SLC9A6: variants seen among roughly 807,000 people sequenced by gnomAD.
SLC9A6 encodes the protein solute carrier family 9 member A6.
In SLC9A6, 6 loss-of-function variants were observed where a neutral mutation model predicts 45.3. That is an observed-to-expected ratio of 0.13 (90% CI 0.07 to 0.26). SLC9A6 has a LOEUF of 0.26. SLC9A6 is among the 10% of genes least tolerant of loss of function. The pLI, the probability that SLC9A6 is intolerant of heterozygous loss-of-function variation, is 1.00. For synonymous variants in SLC9A6, 191 were observed against 187.7 expected (o/e 1.02, Z -0.14); for missense variants, 278 against 503.7 (o/e 0.55, Z 4.29).
intron 14 of SLC9A6, chrX:136,029,757 A>C: frequency 4.4e-6 from 1 of 227,876 alleles, no homozygotes; most frequent in Non-Finnish European, 7.9e-6. Context: ...CTGCGAAGTG[A>C]ATTGCACTGT....
At chrX:136,002,953 C>T (rs1556617551) in intron 7 of SLC9A6, among the ~76,000 whole-genome samples, 2 of 110,933 alleles carry the variant, frequency 1.8e-5, no homozygotes, top group African/African-American at 6.6e-5. Context: ...TACATCTGTC[C>T]TCATCCACCT....
At chrX:136,003,518 A>C (rs971526820) in intron 7 of SLC9A6, among the ~76,000 whole-genome samples, 1 of 112,086 alleles carries the variant, frequency 8.9e-6, no homozygotes, top group African/African-American at 3.2e-5. Flanking sequence ...TCAGTCTCCT[A>C]TAGCAGGACA....
intron 11 of SLC9A6, among the ~76,000 whole-genome samples, chrX:136,017,797 C>T (rs1027406322): frequency 3.6e-5 from 4 of 111,639 alleles, no homozygotes; most frequent in Non-Finnish European, 7.5e-5. Context: ...GGTCAGGAAT[C>T]CTGGAGCAGC....
At chrX:136,004,696 A>G (rs1047127495) in intron 7 of SLC9A6, among the ~76,000 whole-genome samples, 2 of 111,702 alleles carry the variant, frequency 1.8e-5, no homozygotes, top group African/African-American at 6.5e-5. Flanking sequence ...ATGTATGTAA[A>G]TATTACCCCC....
chrX:135,976,248 T>C (rs916074247), intron 1 of SLC9A6, among the ~76,000 whole-genome samples: 3 of 111,625 alleles, frequency 2.7e-5, no homozygotes, highest in Non-Finnish European at 5.6e-5. Context: ...CTCTCTGTAG[T>C]TGACAGGAAA....
At chrX:136,027,279 C>T (rs2071244985) in intron 13 of SLC9A6, among the ~76,000 whole-genome samples, 3 of 111,008 alleles carry the variant, frequency 2.7e-5, no homozygotes, top group African/African-American at 9.8e-5. Flanking sequence ...AGGCCAGGGA[C>T]GGTTTCTTTG....
chrX:135,995,442 C>T (rs782299780), intron 3 of SLC9A6, among the ~76,000 whole-genome samples: 1 of 111,510 alleles, frequency 9.0e-6, no homozygotes, highest in East Asian at 2.8e-4. Context: ...CCTGCCTCAG[C>T]CTCCCGTGTA....
chrX:135,988,429 T>TTTTC (rs370253241), intron 2 of SLC9A6, among the ~76,000 whole-genome samples: 8 of 109,888 alleles, frequency 7.3e-5, no homozygotes, highest in Admixed American at 9.7e-5. Flanking sequence ...TCTCTCTTTC[T>TTTTC]TTTCTTTCTT....
At chrX:136,029,008 A>C (rs782024255) in intron 14 of SLC9A6, 33 bp downstream of exon 14, 4 of 292,056 alleles carry the variant, frequency 1.4e-5, no homozygotes, top group African/African-American at 2.8e-5. Flanking sequence ...GCTAAGTATC[A>C]TAATAAAGGA....
chrX:136,028,900 T>C lies in SLC9A6; in HGVS notation c.1475T>C (p.Leu492Pro), dbSNP rs2071271682. ...TTGTGTGTCAGGTACTGTGCTAGAC[T>C]CTGGGGATACAGAGATGAATTGAGA... ...SCLHIRYCAR[L>P]WGYRDELRHG... Residue 492 changes from leucine to proline, a missense_variant, in exon 14 of 18, where the codon CTC (leucine) becomes CCC (proline). This residue lies in a region of SLC9A6 where 15 missense variants were observed against 58.1 expected (regional missense o/e 0.26). Transcript: ENST00000630721. 1 of 295,378 alleles carries C rather than the reference T, an allele frequency of 3.4e-6. No individual in the cohort carries two copies. The highest frequency in any genetic ancestry group is 2.1e-4 in the South Asian group (1 of 4,872). 24.3% of individuals were successfully genotyped at this position (295,378 alleles called of 1,213,427 possible). A position where few individuals can be genotyped will look rare whatever the true frequency, so the allele number is the denominator to read the frequency against.
rs1556623452 is a variant in SLC9A6 at position 136,045,613 on chromosome X, T to C, written c.*889T>C. The C allele has an allele frequency of 8.9e-6, 1 of 112,651 alleles. No individual in the cohort carries two copies. The highest frequency in any genetic ancestry group is 1.9e-5 in the Non-Finnish European group (1 of 53,325). The allele number at this position is 112,651 out of a possible 1,213,427, so 9.3% of individuals were successfully genotyped here. On this transcript the variant is annotated 3_prime_UTR_variant, in exon 18 of 18. Transcript: ENST00000630721. Reference sequence around the variant, plus strand: ...TTAAATAAGAAATTTAATTGCTGCTTAATTTTTGATTATGTACTTTATCTG... The same window carrying C: ...TTAAATAAGAAATTTAATTGCTGCTCAATTTTTGATTATGTACTTTATCTG...
chrX:135,997,036 G>C (rs1379216008), intron 3 of SLC9A6, among the ~76,000 whole-genome samples: 12 of 110,604 alleles, frequency 1.1e-4, no homozygotes, highest in African/African-American at 3.3e-5. Context: ...AAAGTGCTGG[G>C]ATTACAGGCT....
At chrX:136,019,545 G>A (rs1344297301) in intron 11 of SLC9A6, among the ~76,000 whole-genome samples, 1 of 112,487 alleles carries the variant, frequency 8.9e-6, no homozygotes, top group Non-Finnish European at 1.9e-5. Context: ...AGCAGTCACT[G>A]CCACGTTGGC....
intron 2 of SLC9A6, among the ~76,000 whole-genome samples, chrX:135,992,759 CAT>C (rs1228178394): frequency 8.8e-4 from 97 of 110,774 alleles, no homozygotes; most frequent in African/African-American, 3.0e-3. Context: ...ACCTTGTATA[CAT>C]ATATATATAT....
In SLC9A6 at chrX:136,044,839, AT is replaced by A; in HGVS notation, c.*118del. ...TGAATGTGTAAGCTATATAAATGCT[AT>A]TTATATGGCATAGAAAGAATATAAA... On this transcript the variant is annotated 3_prime_UTR_variant, in exon 18 of 18. Coordinates refer to ENST00000630721, the MANE Select transcript of SLC9A6 (RefSeq NM_001379110.1). The A allele has an allele frequency of 1.6e-6, 1 of 632,005 alleles. No homozygotes were observed. The highest frequency in any genetic ancestry group is 2.5e-5 in the South Asian group (1 of 39,817). The allele number at this position is 632,005 out of a possible 1,213,427, so 52.1% of individuals were successfully genotyped here. A position where few individuals can be genotyped will look rare whatever the true frequency, so the allele number is the denominator to read the frequency against.
At chrX:135,998,229 C>A in intron 4 of SLC9A6, 44 bp downstream of exon 4, 1 of 809,240 alleles carries the variant, frequency 1.2e-6, no homozygotes, top group Non-Finnish European at 1.9e-6. Flanking sequence ...ATCTTAAACT[C>A]AGTGGGCTTT....
chrX:135,987,221 A>G (rs1243936378), intron 2 of SLC9A6, among the ~76,000 whole-genome samples: 1 of 112,078 alleles, frequency 8.9e-6, no homozygotes, highest in East Asian at 2.8e-4. Flanking sequence ...TATGTTTTGC[A>G]TTTCATTTGC....
chrX:136,016,500 C>T, intron 10 of SLC9A6, 145 bp from the exon 11 acceptor site: 1 of 418,654 alleles, frequency 2.4e-6, no homozygotes, highest in East Asian at 4.0e-5. Context: ...GTCGTCTCCA[C>T]ATTTGCTCCC....
At chrX:136,019,345 CCT>C (rs1450372885) in intron 11 of SLC9A6, among the ~76,000 whole-genome samples, 2 of 112,384 alleles carry the variant, frequency 1.8e-5, no homozygotes, top group Non-Finnish European at 3.8e-5. Flanking sequence ...GTGGCTCACC[CCT>C]GTCTGCCCGT....
Sources: allele counts gnomAD v4.1 joint callset (sites outside exome capture counted in the v4.1 genomes callset), GRCh38; gene constraint gnomAD v4.1.1; regional missense constraint gnomAD v4.1.1; transcripts MANE v1.5; gene names NCBI Gene and HGNC (gene_info 2026-07-23, HGNC 2026-07-21).